PEAK3: variants seen among roughly 807,000 people sequenced by gnomAD.
PEAK3 encodes PEAK family member 3, also known as protein PEAK3.
PEAK3 carries 15 observed loss-of-function variants against 13.3 expected under a neutral mutation model. The observed-to-expected ratio is 1.13, with a 90% CI of 0.75 to 1.73. The LOEUF (loss-of-function observed/expected upper bound fraction) is 1.73. PEAK3 is among the 40% of genes most tolerant of loss of function. The probability of loss-of-function intolerance (pLI) is 0.00; values close to 1 mark genes in which losing one functional copy is unlikely to be tolerated. For missense variants in PEAK3, 739 were observed against 690.2 expected (o/e 1.07, Z -0.79); for synonymous variants, 347 against 341.9 (o/e 1.01, Z -0.17).
Position 2,276,102 on chromosome 19 carries a change from C to CCAAAGTCA in PEAK3, c.999_1000insTGACTTTG (p.Val334Ter). Reference sequence around the variant, plus strand: ...GGGGGTCCAGGGGGCTGCAGACAGACGCGGCCAAAGTCAGTGAGGAGCAGG... The same window carrying CCAAAGTCA: ...GGGGGTCCAGGGGGCTGCAGACAGACCAAAGTCAGCGGCCAAAGTCAGTGAGGAGCAGG... On this transcript the variant is annotated stop_gained and frameshift_variant, in exon 4 of 4. Transcript: ENST00000342063. LOFTEE classifies it low-confidence loss of function (END_TRUNC). 2 of 1,507,088 alleles carry CCAAAGTCA rather than the reference C, an allele frequency of 1.3e-6. No individual in the cohort carries two copies. The highest frequency in any genetic ancestry group is 1.8e-6 in the Non-Finnish European group (2 of 1,125,690). The allele number at this position is 1,507,088 out of a possible 1,614,324, so 93.4% of individuals were successfully genotyped here. A position where few individuals can be genotyped will look rare whatever the true frequency, so the allele number is the denominator to read the frequency against.
In PEAK3 at chr19:2,276,291, T is replaced by A; in HGVS notation, c.811A>T (p.Thr271Ser). The A allele has an allele frequency of 6.3e-7, 1 of 1,592,134 alleles. No individual in the cohort carries two copies. Among genetic ancestry groups the A allele is most frequent in the Non-Finnish European group, 8.5e-7 (1 of 1,176,274 alleles). ...CACACGAACTCCTCCGGCGGCTGCGTGCAGGCCTCCGCCAGCCACTGCGCC... is the reference window on the plus strand; with the variant it reads ...CACACGAACTCCTCCGGCGGCTGCGAGCAGGCCTCCGCCAGCCACTGCGCC... ...TVAQWLAEAC[T>S]QPPEEFVWAV... The change falls in exon 4 of 4, where the codon ACG (threonine) becomes TCG (serine). Residue 271 changes from threonine to serine, a missense_variant. Coordinates refer to ENST00000342063, the MANE Select transcript of PEAK3 (RefSeq NM_198532.3).
In PEAK3 at chr19:2,274,761, AG is replaced by A. The variant is rs1378687266; in HGVS notation, c.*918del. On this transcript the variant is annotated 3_prime_UTR_variant, in exon 4 of 4. Transcript: ENST00000342063. ...GCCGAGGCGGACGGATCACGAGGTC[AG>A]GAGATGGAGACCATCCTGGCTAACA... 1 of 151,000 alleles carries A rather than the reference AG, an allele frequency of 6.6e-6. No homozygotes were observed. The highest frequency in any genetic ancestry group is 2.4e-5 in the African/African-American group (1 of 41,306). The allele number at this position is 151,000 out of a possible 1,614,324, so 9.4% of individuals were successfully genotyped here.
At position 2,274,950 on chromosome 19, in the gene PEAK3, A is replaced by AAAAG. The variant is rs1414895288; in HGVS notation, c.*726_*729dup. 1.5e-5 allele frequency: 2 copies of AAAAG among 136,062 alleles called. No homozygotes were observed. The highest frequency in any genetic ancestry group is 3.3e-5 in the Non-Finnish European group (2 of 60,252). The allele number at this position is 136,062 out of a possible 1,614,324, so 8.4% of individuals were successfully genotyped here. On this transcript the variant is annotated 3_prime_UTR_variant, in exon 4 of 4. Coordinates refer to ENST00000342063, the MANE Select transcript of PEAK3 (RefSeq NM_198532.3). ...TCGTCTCAAAAAAAAAAAAAAAAAA[A>AAAAG]AAAGAAAAAGAAAGTGGAACTGGAA...
At chr19:2,281,447 G>C (rs1446106285) in intron 1 of PEAK3, among the ~76,000 whole-genome samples, 6 of 111,484 alleles carry the variant, frequency 5.4e-5, no homozygotes, top group African/African-American at 1.8e-4. Context: ...CCTCTCTGGG[G>C]CCCTGCTGTG....
rs1411144099 is a variant in PEAK3, at chr19:2,276,283, C to CGGCT, written c.815_818dup (p.Pro274AlafsTer58). 1 of 1,591,434 alleles carries CGGCT rather than the reference C, an allele frequency of 6.3e-7. No individual in the cohort carries two copies. Among genetic ancestry groups the CGGCT allele is most frequent in the Non-Finnish European group, 8.5e-7 (1 of 1,175,966 alleles). On this transcript the variant is annotated frameshift_variant, in exon 4 of 4. Transcript: ENST00000342063. LOFTEE classifies it low-confidence loss of function (END_TRUNC). ...CCACAGCCCACACGAACTCCTCCGG[C>CGGCT]GGCTGCGTGCAGGCCTCCGCCAGCC... is the stretch of plus-strand genomic sequence containing the variant.
chr19:2,280,846 T>C lies in PEAK3; in HGVS notation c.82+4A>G. 1 of 1,606,808 alleles carries C rather than the reference T, an allele frequency of 6.2e-7. No individual in the cohort carries two copies. Among genetic ancestry groups the C allele is most frequent in the South Asian group, 1.1e-5 (1 of 90,506 alleles). ...AGCCCAGGGCTCCCTGGGGAGCTGC[T>C]TACCAAGGTTGCTATACGTGGGCTG... On this transcript the variant is annotated splice_donor_region_variant and intron_variant, in intron 2 of 3. Coordinates refer to ENST00000342063, the MANE Select transcript of PEAK3 (RefSeq NM_198532.3).
chr19:2,279,009 T>G lies in PEAK3; in HGVS notation c.187A>C (p.Ile63Leu). The change falls in exon 3 of 4, where the codon ATC (isoleucine) becomes CTC (leucine). Residue 63 changes from isoleucine (I) to leucine (L), a missense_variant. By Grantham distance (5) the Ile-to-Leu change is conservative. Coordinates refer to ENST00000342063, the MANE Select transcript of PEAK3 (RefSeq NM_198532.3). ...GGCAGTGACTGGGTCCGGGTTAGGATCTTCTTGGGCAGGGGTGGGGGCAGG... is the reference window on the plus strand; with the variant it reads ...GGCAGTGACTGGGTCCGGGTTAGGAGCTTCTTGGGCAGGGGTGGGGGCAGG... The part of the protein sequence containing the change: ...EPLPPPLPKK[I>L]LTRTQSLPTR... 6.4e-7 allele frequency: 1 copy of G among 1,561,908 alleles called. No homozygotes were observed. Among genetic ancestry groups the G allele is most frequent in the Non-Finnish European group, 8.7e-7 (1 of 1,147,748 alleles).
In PEAK3 at chr19:2,274,661, C is replaced by T. The variant is rs1275890635; in HGVS notation, c.*1019G>A. 2.6e-5 allele frequency: 4 copies of T among 152,148 alleles called. No individual in the cohort carries two copies. The highest frequency in any genetic ancestry group is 4.4e-5 in the Non-Finnish European group (3 of 68,064). 9.4% of individuals were successfully genotyped at this position (152,148 alleles called of 1,614,324 possible). On this transcript the variant is annotated 3_prime_UTR_variant, in exon 4 of 4. Transcript: ENST00000342063. ...AGCTAGCGATGGCCCAGAGTGGGCA[C>T]CTTTATTTGTTTAGAGAAAGTGAAA...
rs1012858066 is a variant in PEAK3 at position 2,278,981 on chromosome 19, G to T, written c.215C>A (p.Thr72Asn). The change falls in exon 3 of 4, where the codon ACC (threonine) becomes AAC (asparagine). Residue 72 changes from threonine (T) to asparagine (N), a missense_variant. Physicochemically the swap from Thr to Asn is moderately conservative, Grantham distance 65. Coordinates refer to ENST00000342063, the MANE Select transcript of PEAK3 (RefSeq NM_198532.3). Reference sequence around the variant, plus strand: ...GGAGCTGGGATGGAGGGTCCTGCGGGTGGGCAGTGACTGGGTCCGGGTTAG... The same window carrying T: ...GGAGCTGGGATGGAGGGTCCTGCGGTTGGGCAGTGACTGGGTCCGGGTTAG... ...KILTRTQSLPTRRTLHPSSIQ... is the reference protein window; with the variant it reads ...KILTRTQSLPNRRTLHPSSIQ... The T allele has an allele frequency of 1.3e-6, 2 of 1,595,228 alleles. No individual in the cohort carries two copies. Among genetic ancestry groups the T allele is most frequent in the South Asian group, 1.1e-5 (1 of 89,658 alleles).
In PEAK3 at chr19:2,274,848, T is replaced by C. The variant is rs1255471327; in HGVS notation, c.*832A>G. On this transcript the variant is annotated 3_prime_UTR_variant, in exon 4 of 4. Transcript: ENST00000342063. ...TTAGCCGGGCGTGGTGGCGGGCGCC[T>C]GTAGTCCCAGCTACTCGGGAGGCTG... The C allele has an allele frequency of 3.6e-5, 5 of 139,816 alleles. No individual in the cohort carries two copies. The highest frequency in any genetic ancestry group is 3.3e-4 in the Admixed American group (4 of 12,120). The allele number at this position is 139,816 out of a possible 1,614,324, so 8.7% of individuals were successfully genotyped here.
chr19:2,275,482 G>C lies in PEAK3; in HGVS notation c.*198C>G. 1 of 441,688 alleles carries C rather than the reference G, an allele frequency of 2.3e-6. No homozygotes were observed. Among genetic ancestry groups the C allele is most frequent in the South Asian group, 8.6e-5 (1 of 11,648 alleles). 27.4% of individuals were successfully genotyped at this position (441,688 alleles called of 1,614,324 possible). A position where few individuals can be genotyped will look rare whatever the true frequency, so the allele number is the denominator to read the frequency against. Reference sequence around the variant, plus strand: ...CTGGCCAGCCCCCAGCCCTGGAGGGGCAGCTGCATTCCTGGGAAGCCCTTG... The same window carrying C: ...CTGGCCAGCCCCCAGCCCTGGAGGGCCAGCTGCATTCCTGGGAAGCCCTTG... On this transcript the variant is annotated 3_prime_UTR_variant, in exon 4 of 4. Transcript: ENST00000342063.
At position 2,276,186 on chromosome 19, in the gene PEAK3, G is replaced by A. The variant is rs371491982; in HGVS notation, c.916C>T (p.Arg306Trp). The A allele has an allele frequency of 1.5e-5, 24 of 1,552,736 alleles. No individual in the cohort carries two copies. The highest frequency in any genetic ancestry group is 7.7e-5 in the Admixed American group (4 of 52,270). Reference protein sequence around the residue: ...EAWGAALVELRPENLLLVAPR... With the variant: ...EAWGAALVELWPENLLLVAPR... The stretch of plus-strand genomic sequence containing the variant: ...GCCACCAGCAGCAAGTTCTCCGGCC[G>A]CAACTCGACTAGGGCCGCGCCCCAC... Residue 306 changes from arginine to tryptophan, a missense_variant, in exon 4 of 4, where the codon CGG (arginine) becomes TGG (tryptophan). Transcript: ENST00000342063.
chr19:2,277,370 C>T (rs1337842828), intron 3 of PEAK3, among the ~76,000 whole-genome samples: 1 of 152,004 alleles, frequency 6.6e-6, no homozygotes, highest in Non-Finnish European at 1.5e-5. Flanking sequence ...GTAGCACCTC[C>T]TCCCTCCCTT....
chr19:2,281,509 A>G (rs1599160116), intron 1 of PEAK3, among the ~76,000 whole-genome samples: 1 of 74,950 alleles, frequency 1.3e-5, no homozygotes, highest in Non-Finnish European at 2.4e-5. Context: ...TGTGATTCTG[A>G]GTGGGTTTGC....
intron 3 of PEAK3, among the ~76,000 whole-genome samples, chr19:2,278,322 A>T (rs1443115996): frequency 6.7e-6 from 1 of 148,244 alleles, no homozygotes; most frequent in Non-Finnish European, 1.5e-5. Context: ...CCGCCACCAC[A>T]CCTAATTTTT....
rs747860504 is a variant in PEAK3, at chr19:2,276,070, G to A, written c.1032C>T (p.Ser344=). 2.0e-5 allele frequency: 29 copies of A among 1,460,430 alleles called. No individual in the cohort carries two copies. In the South Asian group the frequency reaches 4.0e-4, roughly 20 times the overall value. 90.5% of individuals were successfully genotyped at this position (1,460,430 alleles called of 1,614,324 possible). The change falls in exon 4 of 4, where the codon TCC becomes TCT. Residue 344 remains serine, a synonymous_variant. Transcript: ENST00000342063. The part of the protein sequence containing the change: ...VCLQPPGPPG[S]PGPHAPQLGS... ...CCAGCTGCGGCGCGTGGGGGCCCGGGGATCCCGGGGGTCCAGGGGGCTGCA... is the reference window on the plus strand; with the variant it reads ...CCAGCTGCGGCGCGTGGGGGCCCGGAGATCCCGGGGGTCCAGGGGGCTGCA...
At position 2,278,856 on chromosome 19, in the gene PEAK3, A is replaced by C; in HGVS notation, c.340T>G (p.Phe114Val). Residue 114 changes from phenylalanine (F) to valine (V), a missense_variant, in exon 3 of 4, where the codon TTT becomes GTT. Phe to Val is a conservative substitution (Grantham distance 50). Coordinates refer to ENST00000342063, the MANE Select transcript of PEAK3 (RefSeq NM_198532.3). The part of the protein sequence containing the change: ...GPACLPAELT[F>V]GPADAPLGLS... ...CCCAGTGGGGCGTCAGCCGGGCCAA[A>C]GGTCAGCTCTGCAGGGAGACAGGCT... The C allele has an allele frequency of 1.9e-6, 3 of 1,598,046 alleles. No individual in the cohort carries two copies. In the South Asian group the frequency reaches 3.4e-5, roughly 18 times the overall value.
At chr19:2,281,548 C>T (rs76113084) in intron 1 of PEAK3, among the ~76,000 whole-genome samples, 4 of 88,546 alleles carry the variant, frequency 4.5e-5, no homozygotes, top group African/African-American at 1.0e-4. Flanking sequence ...GCTGTGTGAT[C>T]CTGAGTGGGT....
chr19:2,275,490 A>G lies in PEAK3; in HGVS notation c.*190T>C. Reference sequence around the variant, plus strand: ...CCCCCAGCCCTGGAGGGGCAGCTGCATTCCTGGGAAGCCCTTGACCCACAT... The same window carrying G: ...CCCCCAGCCCTGGAGGGGCAGCTGCGTTCCTGGGAAGCCCTTGACCCACAT... On this transcript the variant is annotated 3_prime_UTR_variant, in exon 4 of 4. Transcript: ENST00000342063. 2 of 460,628 alleles carry G rather than the reference A, an allele frequency of 4.3e-6. No homozygotes were observed. The highest frequency in any genetic ancestry group is 5.9e-4 in the Middle Eastern group (1 of 1,686). The allele number at this position is 460,628 out of a possible 1,614,324, so 28.5% of individuals were successfully genotyped here.
Sources: gnomAD v4.1 joint callset for allele counts (sites outside exome capture counted in the v4.1 genomes callset) on GRCh38, gnomAD v4.1.1 for gene constraint, MANE v1.5 for transcripts, NCBI Gene and HGNC (gene_info 2026-07-23, HGNC 2026-07-21) for gene names.